Variants in CACNA2D4 observed in about 807,000 individuals in gnomAD.
CACNA2D4 encodes the protein voltage-dependent calcium channel subunit alpha-2/delta-4.
Under a neutral mutation model 163.8 loss-of-function variants are expected in CACNA2D4, and 157 were observed. The ratio of observed to expected loss-of-function variants is 0.96; its 90% CI spans 0.84 to 1.09. CACNA2D4 has a LOEUF of 1.09. Among genes scored for constraint, CACNA2D4 ranks in the 50% least tolerant of loss-of-function variants. The pLI is 0.00. For missense variants in CACNA2D4, 1,410 were observed against 1,479.9 expected (o/e 0.95, Z 0.78); for synonymous variants, 598 against 586.9 (o/e 1.02, Z -0.27).
chr12:1,809,300 C>G (rs1377894014), intron 29 of CACNA2D4: 1 of 556,898 alleles, frequency 1.8e-6, no homozygotes, highest in East Asian at 3.0e-5. Context: ...CCTCCACATC[C>G]CAGGAACTTA....
chr12:1,876,387 T>G (rs1041566031), intron 16 of CACNA2D4, among the ~76,000 whole-genome samples: 6 of 152,204 alleles, frequency 3.9e-5, no homozygotes, highest in African/African-American at 1.4e-4. Flanking sequence ...GACTTCTCTC[T>G]CTCTGAAGCC....
chr12:1,866,787 A>AT (rs34111398), intron 18 of CACNA2D4, among the ~76,000 whole-genome samples: 88,326 of 136,450 alleles, frequency 0.65, 29,196 homozygotes, highest in Non-Finnish European at 0.73. Flanking sequence ...CACCTGGCTA[A>AT]TTTTTTTTTT....
At chr12:1,901,818 G>A (rs1866544154) in intron 6 of CACNA2D4, among the ~76,000 whole-genome samples, 1 of 151,980 alleles carries the variant, frequency 6.6e-6, no homozygotes. Context: ...ATGAAAAATA[G>A]AGGAGAAGGA....
chr12:1,811,407 C>T (rs777634808), intron 27 of CACNA2D4, among the ~76,000 whole-genome samples: 3 of 152,224 alleles, frequency 2.0e-5, no homozygotes, highest in Admixed American at 6.5e-5. Context: ...AGCGGGGAGG[C>T]ATGCCAGTGG....
chr12:1,837,773 G>A (rs927070129), intron 26 of CACNA2D4, among the ~76,000 whole-genome samples: 2 of 152,112 alleles, frequency 1.3e-5, no homozygotes, highest in African/African-American at 2.4e-5. Flanking sequence ...TTATAGCAGG[G>A]CCCAAGACAA....
rs913947616 is a variant in CACNA2D4 at position 1,800,166 on chromosome 12, C to T, written c.2922-114G>A. ...CCCATCCCCTCTCCTCCAGGACACC[C>T]TCTTCCCTGCTTGAGGGCTCTGGTT... On this transcript the variant is annotated intron_variant, in intron 32 of 37. Transcript: ENST00000382722. 12 of 1,115,146 alleles carry T rather than the reference C, an allele frequency of 1.1e-5. No homozygotes were observed. The African/African-American group carries it at 1.5e-4, about 14-fold the overall frequency. The allele number at this position is 1,115,146 out of a possible 1,614,324, so 69.1% of individuals were successfully genotyped here. A position where few individuals can be genotyped will look rare whatever the true frequency, so the allele number is the denominator to read the frequency against.
In CACNA2D4 at chr12:1,793,674, A is replaced by T; in HGVS notation, c.3395T>A (p.Leu1132Gln). The T allele has an allele frequency of 6.2e-7, 1 of 1,613,712 alleles. No individual in the cohort carries two copies. The highest frequency in any genetic ancestry group is 8.5e-7 in the Non-Finnish European group (1 of 1,179,732). ...GTGGTGTCACCGCAGGAGTTGGGGCAGTAGCCCCCAGGCACACACAGGCAG... is the reference window on the plus strand; with the variant it reads ...GTGGTGTCACCGCAGGAGTTGGGGCTGTAGCCCCCAGGCACACACAGGCAG... The part of the protein sequence containing the change: ...LLLPVCAWGL[L>Q]PQLLR The change falls in exon 38 of 38, where the codon CTG (leucine) becomes CAG (glutamine). Residue 1132 changes from leucine to glutamine, a missense_variant. Leu to Gln is a moderately radical substitution (Grantham distance 113, BLOSUM62 -2). Coordinates refer to ENST00000382722, the MANE Select transcript of CACNA2D4 (RefSeq NM_172364.5).
intron 29 of CACNA2D4, among the ~76,000 whole-genome samples, chr12:1,805,100 C>T (rs887093435): frequency 2.0e-5 from 3 of 152,194 alleles, no homozygotes; most frequent in Non-Finnish European, 4.4e-5. Flanking sequence ...CCCCAGCCCC[C>T]CTTTCATGGG....
intron 26 of CACNA2D4, among the ~76,000 whole-genome samples, chr12:1,838,258 G>A (rs754151286): frequency 1.3e-5 from 2 of 152,148 alleles, no homozygotes; most frequent in East Asian, 1.9e-4. Flanking sequence ...GCAGTGACGC[G>A]CAGCCCGCCA....
At chr12:1,808,277 C>A (rs1027291908) in intron 29 of CACNA2D4, among the ~76,000 whole-genome samples, 1 of 152,234 alleles carries the variant, frequency 6.6e-6, no homozygotes, top group African/African-American at 2.4e-5. Flanking sequence ...CTGGAAACTA[C>A]AGCCCGTAGG....
rs546854029 is a variant in CACNA2D4 at position 1,834,884 on chromosome 12, C to T, written c.2551+5855G>A. On this transcript the variant is annotated intron_variant, in intron 26 of 37. Transcript: ENST00000382722. This position sits in a 1 kb window ranked among gnomAD's most constrained non-coding sequence, Gnocchi z 7.6. ...ACACCGGGTTCTCTCCCTGCACTTTCGAGGCTCCCTGAAAGCCACCGTGCT... is the reference window on the plus strand; with the variant it reads ...ACACCGGGTTCTCTCCCTGCACTTTTGAGGCTCCCTGAAAGCCACCGTGCT... 16 of 1,365,498 alleles carry T rather than the reference C, an allele frequency of 1.2e-5. No individual in the cohort carries two copies. Among genetic ancestry groups the T allele is most frequent in the African/African-American group, 1.5e-5 (1 of 68,518 alleles). The allele number at this position is 1,365,498 out of a possible 1,614,324, so 84.6% of individuals were successfully genotyped here. A position where few individuals can be genotyped will look rare whatever the true frequency, so the allele number is the denominator to read the frequency against.
At chr12:1,907,330 G>T in intron 6 of CACNA2D4, 110 bp downstream of exon 6, 1 of 1,007,576 alleles carries the variant, frequency 9.9e-7, no homozygotes, top group Non-Finnish European at 1.5e-6. Context: ...GGGATAGGAG[G>T]ACCAGCCCCA....
chr12:1,891,102 G>A lies in CACNA2D4; in HGVS notation c.782-4033C>T, dbSNP rs562358302. 1.3e-4 allele frequency among the ~76,000 whole-genome samples: 20 copies of A among 152,304 alleles called. 1 individual carries two copies. In the South Asian group the frequency reaches 3.7e-3, roughly 28 times the overall value. Reference sequence around the variant, plus strand: ...CACCACTACTACTACTGTCCCCTGAGCAAGCCACCTGGAGGCCCAAGAATT... The same window carrying A: ...CACCACTACTACTACTGTCCCCTGAACAAGCCACCTGGAGGCCCAAGAATT... On this transcript the variant is annotated intron_variant, in intron 6 of 37. Transcript: ENST00000382722.
intron 6 of CACNA2D4, among the ~76,000 whole-genome samples, chr12:1,896,386 G>A (rs1412820671): frequency 6.6e-6 from 1 of 151,888 alleles, no homozygotes; most frequent in African/African-American, 2.4e-5. Context: ...CAACTCAACA[G>A]TAAAAACAAA....
At chr12:1,907,820 G>A (rs1866701313) in intron 5 of CACNA2D4, 55 bp downstream of exon 5, 8 of 1,591,226 alleles carry the variant, frequency 5.0e-6, no homozygotes, top group South Asian at 1.1e-5. Context: ...GTGTCTGGTG[G>A]GTGTGCTAGG....
chr12:1,917,077 C>T lies in CACNA2D4; in HGVS notation c.227+1170G>A, dbSNP rs749901498. Among the ~76,000 whole-genome samples, 2 of 152,148 alleles carry T rather than the reference C, an allele frequency of 1.3e-5. No individual in the cohort carries two copies. Among genetic ancestry groups the T allele is most frequent in the Non-Finnish European group, 2.9e-5 (2 of 68,032 alleles). On this transcript the variant is annotated intron_variant, in intron 1 of 37. Transcript: ENST00000382722. This position sits in a 1 kb window ranked among gnomAD's most constrained non-coding sequence, Gnocchi z 4.3. ...TCTCCTGCAGCAACAGATAGCGTTA[C>T]GGGCTGGCGGCGGGTGTAATGGTGA...
chr12:1,859,246 G>A (rs1033414764), intron 19 of CACNA2D4, among the ~76,000 whole-genome samples: 2 of 152,010 alleles, frequency 1.3e-5, no homozygotes, highest in Admixed American at 6.6e-5. Context: ...ACTGTCCCAG[G>A]TACTCGGGAG....
chr12:1,828,331 A>C lies in CACNA2D4; in HGVS notation c.2551+12408T>G. 1 of 928,192 alleles carries C rather than the reference A, an allele frequency of 1.1e-6. No individual in the cohort carries two copies. Among genetic ancestry groups the C allele is most frequent in the Non-Finnish European group, 1.5e-6 (1 of 648,866 alleles). 57.5% of individuals were successfully genotyped at this position (928,192 alleles called of 1,614,324 possible). A position where few individuals can be genotyped will look rare whatever the true frequency, so the allele number is the denominator to read the frequency against. Reference sequence around the variant, plus strand: ...CTCAGGCTGCAGGGAGGCCTACGCCAGATCTTCCTGGGGTACCCGAGGCTA... The same window carrying C: ...CTCAGGCTGCAGGGAGGCCTACGCCCGATCTTCCTGGGGTACCCGAGGCTA... On this transcript the variant is annotated intron_variant, in intron 26 of 37. Transcript: ENST00000382722. The surrounding 1 kb of genome is among the most constrained non-coding windows in gnomAD (Gnocchi z 4.2).
At chr12:1,892,277 G>A (rs930668457) in intron 6 of CACNA2D4, among the ~76,000 whole-genome samples, 4 of 152,046 alleles carry the variant, frequency 2.6e-5, no homozygotes, top group African/African-American at 9.7e-5. Context: ...ATTGGAAAAG[G>A]AAAAAAACTG....
Sources: allele counts gnomAD v4.1 joint callset (sites outside exome capture counted in the v4.1 genomes callset), GRCh38; gene constraint gnomAD v4.1.1; non-coding constraint Gnocchi (gnomAD v3.1); transcripts MANE v1.5; gene names NCBI Gene and HGNC (gene_info 2026-07-23, HGNC 2026-07-21).